KPNA1: variants seen among roughly 807,000 people sequenced by gnomAD.
KPNA1 encodes the protein karyopherin subunit alpha 1.
Under a neutral mutation model 70.5 loss-of-function variants are expected in KPNA1, and 10 were observed. The ratio of observed to expected loss-of-function variants is 0.14; its 90% CI spans 0.09 to 0.24. KPNA1 has a LOEUF of 0.24. Among genes scored for constraint, KPNA1 ranks in the 10% least tolerant of loss-of-function variants. The pLI is 1.00. For synonymous variants in KPNA1, 192 were observed against 221.9 expected (o/e 0.87, Z 1.20); for missense variants, 397 against 637.9 (o/e 0.62, Z 4.07).
Position 122,496,577 on chromosome 3 carries a change from T to G in KPNA1, c.-5-7A>C, listed in dbSNP as rs779472879. The G allele has an allele frequency of 2.5e-6, 4 of 1,612,516 alleles. No individual in the cohort carries two copies. Among genetic ancestry groups the G allele is most frequent in the African/African-American group, 1.3e-5 (1 of 74,822 alleles). On this transcript the variant is annotated splice_polypyrimidine_tract_variant and splice_region_variant and intron_variant, in intron 1 of 13. Transcript: ENST00000344337. The stretch of plus-strand genomic sequence containing the variant: ...CCTGGGGTGGTCATGATTTCTACAA[T>G]ACAAGTGGGGAGAGAACAAATGAGT...
chr3:122,463,126 AG>A (rs1241142936), intron 4 of KPNA1, among the ~76,000 whole-genome samples: 5 of 152,026 alleles, frequency 3.3e-5, no homozygotes, highest in Admixed American at 6.5e-5. Context: ...CCGAGGCAGG[AG>A]GATCACAAGG....
intron 1 of KPNA1, among the ~76,000 whole-genome samples, chr3:122,496,795 C>T (rs561264058): frequency 1.3e-3 from 193 of 152,288 alleles, no homozygotes; most frequent in Non-Finnish European, 2.5e-3. Flanking sequence ...CCTCAAATTC[C>T]TGGGTTCAAG....
At chr3:122,444,091 A>C (rs55717030) in intron 9 of KPNA1, among the ~76,000 whole-genome samples, 3,432 of 152,272 alleles carry the variant, frequency 0.023, 95 homozygotes, top group East Asian at 0.12. Flanking sequence ...CTGGGAATGC[A>C]TTCTTTTCCC....
rs1264666161 is a variant in KPNA1, at chr3:122,423,777, A to AT, written c.*3207dup. 2.0e-5 allele frequency: 3 copies of AT among 152,596 alleles called. No homozygotes were observed. The highest frequency in any genetic ancestry group is 2.9e-5 in the Non-Finnish European group (2 of 68,028). The allele number at this position is 152,596 out of a possible 1,614,324, so 9.5% of individuals were successfully genotyped here. ...TCGGCAGCAATCTGGAATAATTCAG[A>AT]TTTTTTATGAGATTAATTGCCAATC... On this transcript the variant is annotated 3_prime_UTR_variant, in exon 14 of 14. Coordinates refer to ENST00000344337, the MANE Select transcript of KPNA1 (RefSeq NM_002264.4).
chr3:122,502,907 G>A (rs369591194), intron 1 of KPNA1, among the ~76,000 whole-genome samples: 4 of 151,896 alleles, frequency 2.6e-5, no homozygotes, highest in Admixed American at 6.6e-5. Flanking sequence ...CACTTGAGCC[G>A]AGTTTTGTAG....
At chr3:122,507,943 T>G (rs2076909854) in intron 1 of KPNA1, among the ~76,000 whole-genome samples, 1 of 151,750 alleles carries the variant, frequency 6.6e-6, no homozygotes, top group African/African-American at 2.4e-5. Flanking sequence ...AAATCAGGAA[T>G]TAGCACATAT....
intron 2 of KPNA1, among the ~76,000 whole-genome samples, chr3:122,476,954 G>A (rs2107758202): frequency 6.6e-6 from 1 of 150,558 alleles, no homozygotes; most frequent in South Asian, 2.1e-4. Flanking sequence ...AAGGAAGTCA[G>A]TATGTCAAAG....
chr3:122,477,872 A>T (rs1373168939), intron 2 of KPNA1, among the ~76,000 whole-genome samples: 1 of 152,122 alleles, frequency 6.6e-6, no homozygotes. Flanking sequence ...AAAAAAAAAA[A>T]AAATGTCCAG....
At chr3:122,461,060 T>C (rs546072597) in intron 5 of KPNA1, among the ~76,000 whole-genome samples, 164 bp downstream of exon 5, 1 of 152,176 alleles carries the variant, frequency 6.6e-6, no homozygotes, top group East Asian at 1.9e-4. Context: ...AAGGCCTACA[T>C]GTTAACAAAG....
At chr3:122,464,283 G>A (rs1015689133) in intron 3 of KPNA1, 10 of 346,328 alleles carry the variant, frequency 2.9e-5, no homozygotes, top group East Asian at 4.4e-5. Flanking sequence ...AATAAGACAA[G>A]GAGCTTATTG....
chr3:122,497,607 A>G (rs1217131948), intron 1 of KPNA1, among the ~76,000 whole-genome samples: 1 of 152,092 alleles, frequency 6.6e-6, no homozygotes, highest in African/African-American at 2.4e-5. Flanking sequence ...TTTCATTGAA[A>G]CCATCCTAGT....
chr3:122,428,333 T>G (rs1397545770), intron 12 of KPNA1, among the ~76,000 whole-genome samples: 1 of 152,198 alleles, frequency 6.6e-6, no homozygotes, highest in East Asian at 1.9e-4. Context: ...TTTCTCAAGT[T>G]GAGTACAGAG....
At position 122,425,256 on chromosome 3, in the gene KPNA1, C is replaced by T. The variant is rs2075807135; in HGVS notation, c.*1729G>A. 6.6e-6 allele frequency: 1 copy of T among 152,616 alleles called. No homozygotes were observed. The highest frequency in any genetic ancestry group is 1.9e-4 in the East Asian group (1 of 5,206). The allele number at this position is 152,616 out of a possible 1,614,324, so 9.5% of individuals were successfully genotyped here. A position where few individuals can be genotyped will look rare whatever the true frequency, so the allele number is the denominator to read the frequency against. On this transcript the variant is annotated 3_prime_UTR_variant, in exon 14 of 14. Transcript: ENST00000344337. ...TAAATCAGGTCACATAAGTTGGCTG[C>T]TTAAATAACATCATGATGAGGTATG...
At chr3:122,483,381 G>C (rs913606446) in intron 2 of KPNA1, among the ~76,000 whole-genome samples, 5 of 151,914 alleles carry the variant, frequency 3.3e-5, no homozygotes, top group African/African-American at 4.8e-5. Flanking sequence ...TTTCACTCTT[G>C]TTGCCGAGGC....
Position 122,426,595 on chromosome 3 carries a change from G to A in KPNA1, c.*390C>T, listed in dbSNP as rs2075826073. 6.0e-6 allele frequency: 1 copy of A among 165,336 alleles called. No homozygotes were observed. The highest frequency in any genetic ancestry group is 6.1e-5 in the Admixed American group (1 of 16,336). The allele number at this position is 165,336 out of a possible 1,614,324, so 10.2% of individuals were successfully genotyped here. ...GTGTAAAATTCAAGATAAAGATTTA[G>A]TCTCATCTTTTAATGTCAGTTTTTT... is the stretch of plus-strand genomic sequence containing the variant. On this transcript the variant is annotated 3_prime_UTR_variant, in exon 14 of 14. Transcript: ENST00000344337.
chr3:122,454,113 C>A, intron 5 of KPNA1, 112 bp from the exon 6 acceptor site: 1 of 679,760 alleles, frequency 1.5e-6, no homozygotes, highest in Non-Finnish European at 2.4e-6. Context: ...ATTATTTGCA[C>A]ATAACCTATC....
chr3:122,430,176 TA>T (rs1298025257), intron 12 of KPNA1, among the ~76,000 whole-genome samples: 1 of 152,096 alleles, frequency 6.6e-6, no homozygotes. Flanking sequence ...TTTTGTTTTG[TA>T]AATCTGTATT....
intron 2 of KPNA1, among the ~76,000 whole-genome samples, chr3:122,475,729 A>G (rs550174886): frequency 1.3e-5 from 2 of 152,362 alleles, no homozygotes; most frequent in South Asian, 4.1e-4. Context: ...AGCCTTATCA[A>G]TGACTTAAAC....
At chr3:122,458,505 C>T (rs2076288365) in intron 5 of KPNA1, among the ~76,000 whole-genome samples, 1 of 152,170 alleles carries the variant, frequency 6.6e-6, no homozygotes, top group Non-Finnish European at 1.5e-5. Flanking sequence ...ATAGGATTCA[C>T]AGTTCTTTAT....
Sources: gnomAD v4.1 joint callset for allele counts (sites outside exome capture counted in the v4.1 genomes callset) on GRCh38, gnomAD v4.1.1 for gene constraint, MANE v1.5 for transcripts, NCBI Gene and HGNC (gene_info 2026-07-23, HGNC 2026-07-21) for gene names.